The following REC114 variants were observed in gnomAD, a reference collection of about 807,000 sequenced individuals.
REC114 encodes the protein REC114 meiotic recombination protein.
In REC114, 27 loss-of-function variants were observed where a neutral mutation model predicts 31.3. That is an observed-to-expected ratio of 0.86 (90% confidence interval 0.64 to 1.19). REC114 has a LOEUF of 1.19. REC114 is among the 50% of genes most tolerant of loss of function. The probability of loss-of-function intolerance (pLI) is 0.00; values close to 1 mark genes in which losing one functional copy is unlikely to be tolerated. For missense variants in REC114, 344 were observed against 326.9 expected, an observed-to-expected ratio of 1.05 and a Z score of -0.40; for synonymous variants, 134 against 127.7, an observed-to-expected ratio of 1.05 and a Z score of -0.33.
Position 73,559,878 on chromosome 15 carries a change from G to A in REC114, c.763G>A (p.Glu255Lys). The change falls in exon 6 of 6, where the codon GAA becomes AAA. Residue 255 changes from glutamate to lysine, a missense_variant. Physicochemically the swap from Glu to Lys is moderately conservative, Grantham distance 56. Coordinates refer to ENST00000331090, the MANE Select transcript of REC114 (RefSeq NM_001042367.2). ...QNFPAFVEEV[E>K]KELKKLAGLR... is the part of the protein sequence containing the mutation. ...TTTCCCAGCATTTGTGGAAGAGGTA[G>A]AAAAGGAACTGAAAAAGCTGGCGGG... 6.2e-7 allele frequency: 1 copy of A among 1,612,144 alleles called. No homozygotes were observed. The highest frequency in any genetic ancestry group is 8.5e-7 in the Non-Finnish European group (1 of 1,179,026).
chr15:73,539,833 C>T (rs1894215297), intron 2 of REC114, among the ~76,000 whole-genome samples: 1 of 152,152 alleles, frequency 6.6e-6, no homozygotes, highest in Non-Finnish European at 1.5e-5. Flanking sequence ...CGCTTAAGAG[C>T]TGCCATAATC....
chr15:73,485,830 A>G (rs1012049678), intron 2 of REC114, among the ~76,000 whole-genome samples: 66 of 152,206 alleles, frequency 4.3e-4, no homozygotes, highest in Non-Finnish European at 1.5e-4. Context: ...CCACTTTTTC[A>G]GGAAAGAATG....
At chr15:73,492,306 G>C (rs372583033) in intron 2 of REC114, among the ~76,000 whole-genome samples, 1 of 151,986 alleles carries the variant, frequency 6.6e-6, no homozygotes, top group Non-Finnish European at 1.5e-5. Flanking sequence ...ATATTTATGG[G>C]ACTTGTCCAT....
intron 1 of REC114, among the ~76,000 whole-genome samples, chr15:73,473,103 T>G (rs1037954552): frequency 6.6e-6 from 1 of 151,826 alleles, no homozygotes; most frequent in African/African-American, 2.4e-5. Flanking sequence ...TTATGAAAAA[T>G]GGAGGGCTGG....
At chr15:73,491,774 C>T (rs976896195) in intron 2 of REC114, among the ~76,000 whole-genome samples, 22 of 152,218 alleles carry the variant, frequency 1.4e-4, no homozygotes, top group African/African-American at 5.1e-4. Context: ...GTGGCACATG[C>T]CTGTAAGCCC....
chr15:73,443,344 G>A lies in REC114; in HGVS notation c.159G>A (p.Lys53=). 6.4e-7 allele frequency: 1 copy of A among 1,568,066 alleles called. No homozygotes were observed. ...GGACAGCCCCCTGCCCCACATGGAA[G>A]GTGAGGCCCGAAGGCAGGAATATCC... ...EAGTAPCPTW[K]VFDSNEESGY... The change falls in exon 1 of 6, where the codon AAG becomes AAA. Residue 53 remains lysine, a splice_region_variant and synonymous_variant. Coordinates refer to ENST00000331090, the MANE Select transcript of REC114 (RefSeq NM_001042367.2).
intron 2 of REC114, among the ~76,000 whole-genome samples, chr15:73,487,797 A>G (rs1893391471): frequency 6.6e-6 from 1 of 152,228 alleles, no homozygotes; most frequent in Admixed American, 6.5e-5. Flanking sequence ...GAGTCCTTGC[A>G]GTAGCCCTGC....
chr15:73,479,725 C>T (rs1163202594), intron 2 of REC114, among the ~76,000 whole-genome samples: 1 of 152,062 alleles, frequency 6.6e-6, no homozygotes, highest in African/African-American at 2.4e-5. Context: ...TAATGTATTC[C>T]AGGTTCATCC....
chr15:73,450,942 A>T (rs1268195113), intron 1 of REC114, among the ~76,000 whole-genome samples: 1 of 152,244 alleles, frequency 6.6e-6, no homozygotes, highest in Non-Finnish European at 1.5e-5. Context: ...AGCAATGAAA[A>T]CAAAGACAAA....
chr15:73,490,793 A>G (rs1325295905), intron 2 of REC114, among the ~76,000 whole-genome samples: 3 of 151,956 alleles, frequency 2.0e-5, no homozygotes, highest in African/African-American at 4.8e-5. Context: ...TGATATGAAC[A>G]TTTCTTTCAT....
chr15:73,529,286 C>T (rs1184360716), intron 2 of REC114, among the ~76,000 whole-genome samples: 2 of 151,838 alleles, frequency 1.3e-5, no homozygotes, highest in African/African-American at 2.4e-5. Context: ...TACAGGCGCC[C>T]GCCACCATGC....
intron 2 of REC114, among the ~76,000 whole-genome samples, chr15:73,481,857 C>T: frequency 6.6e-6 from 1 of 151,870 alleles, no homozygotes; most frequent in East Asian, 1.9e-4. Flanking sequence ...GATGGGGTTT[C>T]ACCATGTTGG....
intron 2 of REC114, among the ~76,000 whole-genome samples, chr15:73,502,561 G>T (rs758698570): frequency 6.6e-6 from 1 of 152,166 alleles, no homozygotes; most frequent in Admixed American, 6.5e-5. Flanking sequence ...TTAAGTGGAA[G>T]TGGATCATCA....
chr15:73,542,859 G>T (rs922653005), intron 3 of REC114, among the ~76,000 whole-genome samples: 3 of 151,960 alleles, frequency 2.0e-5, no homozygotes, highest in Non-Finnish European at 4.4e-5. Context: ...TTAACTCATC[G>T]CTAATTTTTC....
Position 73,443,175 on chromosome 15 carries a change from T to C in REC114, c.-11T>C, listed in dbSNP as rs1390640388. ...AGGTCCCCGCCGGCAGTGCGTGTGG[T>C]GAGGCAGGACATGGCGGAGGCAGGA... On this transcript the variant is annotated 5_prime_UTR_variant, in exon 1 of 6. Coordinates refer to ENST00000331090, the MANE Select transcript of REC114 (RefSeq NM_001042367.2). 1 of 1,552,648 alleles carries C rather than the reference T, an allele frequency of 6.4e-7. No individual in the cohort carries two copies. Among genetic ancestry groups the C allele is most frequent in the Admixed American group, 2.0e-5 (1 of 51,248 alleles).
chr15:73,513,700 T>TAG (rs1240204857), intron 2 of REC114, among the ~76,000 whole-genome samples: 1 of 152,086 alleles, frequency 6.6e-6, no homozygotes, highest in Non-Finnish European at 1.5e-5. Context: ...TGGAATACCC[T>TAG]GCCTTGTGAG....
chr15:73,532,183 G>C (rs1258169721), intron 2 of REC114, among the ~76,000 whole-genome samples: 1 of 149,162 alleles, frequency 6.7e-6, no homozygotes, highest in Non-Finnish European at 1.5e-5. Context: ...CCCTTCCTGT[G>C]TCCATGTGAT....
rs777304202 is a variant in REC114, at chr15:73,551,048, G to A, written c.444G>A (p.Val148=). 6.2e-7 allele frequency: 1 copy of A among 1,613,868 alleles called. No individual in the cohort carries two copies. The highest frequency in any genetic ancestry group is 1.1e-5 in the South Asian group (1 of 91,070). Residue 148 remains valine, a synonymous_variant, in exon 4 of 6, where the codon GTG becomes GTA. Coordinates refer to ENST00000331090, the MANE Select transcript of REC114 (RefSeq NM_001042367.2). ...TGGCACAATACATAACCGTGCAGGT[G>A]CCTGATGGAAACATCCAGGAGCTTC... ...QKLAQYITVQ[V]PDGNIQELQL... is the part of the protein sequence containing the mutation.
At chr15:73,537,852 A>G (rs1894179203) in intron 2 of REC114, among the ~76,000 whole-genome samples, 1 of 152,182 alleles carries the variant, frequency 6.6e-6, no homozygotes, top group Non-Finnish European at 1.5e-5. Flanking sequence ...CTCCCTGCAG[A>G]TAATATTTTT....
Sources: allele counts gnomAD v4.1 joint callset (sites outside exome capture counted in the v4.1 genomes callset), GRCh38; gene constraint gnomAD v4.1.1; transcripts MANE v1.5; gene names NCBI Gene and HGNC (gene_info 2026-07-23, HGNC 2026-07-21).